The following CACNA2D1 variants were observed in gnomAD, a reference collection of about 807,000 sequenced individuals.
CACNA2D1 encodes the protein voltage-dependent calcium channel subunit alpha-2/delta-1.
A neutral mutation model predicts 171.5 loss-of-function variants in CACNA2D1; 53 were observed. The observed-to-expected ratio is 0.31, with a 90% CI of 0.25 to 0.39. The LOEUF is 0.39. CACNA2D1 is among the 10% of genes least tolerant of loss of function. The probability of loss-of-function intolerance (pLI) is 1.00; values close to 1 mark genes in which losing one functional copy is unlikely to be tolerated. For synonymous variants in CACNA2D1, 442 were observed against 443.1 expected, an observed-to-expected ratio of 1.00 and a Z score of 0.03; for missense variants, 903 against 1,299.8, an observed-to-expected ratio of 0.69 and a Z score of 4.69.
chr7:82,086,749 A>T (rs1810526950), intron 6 of CACNA2D1, among the ~76,000 whole-genome samples: 1 of 152,096 alleles, frequency 6.6e-6, no homozygotes, highest in East Asian at 1.9e-4. Context: ...TCTTTCATTC[A>T]TATTAGGCAA....
rs192130983 is a variant in CACNA2D1, at chr7:82,203,386, G to A, written c.295-32777C>T. 1.1e-4 allele frequency among the ~76,000 whole-genome samples: 17 copies of A among 152,340 alleles called. No individual in the cohort carries two copies. The East Asian group carries it at 3.1e-3, about 28-fold the overall frequency. ...CTTCTCTTCCCGAGAGCCAGGAATA[G>A]CTTGCCTTCACGGGAGGGCGACAAT... On this transcript the variant is annotated intron_variant, in intron 3 of 38. Coordinates refer to ENST00000356860, the MANE Select transcript of CACNA2D1 (RefSeq NM_000722.4).
At chr7:82,115,536 C>T (rs1285748467) in intron 6 of CACNA2D1, among the ~76,000 whole-genome samples, 1 of 151,782 alleles carries the variant, frequency 6.6e-6, no homozygotes, top group African/African-American at 2.4e-5. Flanking sequence ...TACACACACA[C>T]ACATATATAT....
chr7:82,010,025 C>T (rs1443002764), intron 15 of CACNA2D1, among the ~76,000 whole-genome samples: 2 of 151,998 alleles, frequency 1.3e-5, no homozygotes, highest in Non-Finnish European at 2.9e-5. Context: ...AACTTTTATG[C>T]TATACCCCAT....
At chr7:82,312,109 T>G (rs879706644) in intron 3 of CACNA2D1, among the ~76,000 whole-genome samples, 4 of 152,234 alleles carry the variant, frequency 2.6e-5, no homozygotes, top group Non-Finnish European at 5.9e-5. Context: ...ATGGCCTATA[T>G]GACTAATCAT....
intron 16 of CACNA2D1, 146 bp downstream of exon 16, chr7:82,007,533 C>A: frequency 1.7e-6 from 1 of 600,436 alleles, no homozygotes; most frequent in Non-Finnish European, 3.0e-6. Context: ...AGGTGGTTAT[C>A]GCATAGGCAG....
chr7:82,131,834 T>C (rs1056571396), intron 5 of CACNA2D1, among the ~76,000 whole-genome samples: 2 of 152,158 alleles, frequency 1.3e-5, no homozygotes, highest in Non-Finnish European at 2.9e-5. Flanking sequence ...TGTGATGATA[T>C]GATTTGTGAA....
chr7:82,126,000 T>G (rs1184674491), intron 5 of CACNA2D1, among the ~76,000 whole-genome samples: 1 of 152,226 alleles, frequency 6.6e-6, no homozygotes, highest in Non-Finnish European at 1.5e-5. Flanking sequence ...AATTAATGTT[T>G]TTCACAATTA....
intron 1 of CACNA2D1, among the ~76,000 whole-genome samples, chr7:82,420,455 C>T (rs1828608063): frequency 6.6e-6 from 1 of 152,128 alleles, no homozygotes; most frequent in African/African-American, 2.4e-5. Context: ...AGTTTTCATG[C>T]ATTACCAACT....
intron 19 of CACNA2D1, among the ~76,000 whole-genome samples, 178 bp downstream of exon 19, chr7:81,997,001 C>G (rs1798110797): frequency 6.6e-6 from 1 of 152,052 alleles, no homozygotes; most frequent in South Asian, 2.1e-4. Flanking sequence ...TTCATATGAT[C>G]TTTTGGATAG....
chr7:82,356,850 A>G (rs1820483223), intron 1 of CACNA2D1, among the ~76,000 whole-genome samples: 1 of 152,142 alleles, frequency 6.6e-6, no homozygotes, highest in African/African-American at 2.4e-5. Flanking sequence ...TGCATGCCTT[A>G]AAATTCCAAA....
chr7:82,391,529 G>A (rs559901202), intron 1 of CACNA2D1, among the ~76,000 whole-genome samples: 8 of 152,254 alleles, frequency 5.3e-5, no homozygotes, highest in Non-Finnish European at 1.0e-4. Flanking sequence ...CACTTAGATA[G>A]GATATAGCCC....
chr7:82,293,255 G>T (rs1811876401), intron 3 of CACNA2D1, among the ~76,000 whole-genome samples: 1 of 151,004 alleles, frequency 6.6e-6, no homozygotes, highest in South Asian at 2.1e-4. Context: ...TCAGTTTCCT[G>T]CATTGTCTCG....
At chr7:82,048,708 A>G (rs1804836105) in intron 10 of CACNA2D1, among the ~76,000 whole-genome samples, 1 of 152,118 alleles carries the variant, frequency 6.6e-6, no homozygotes, top group South Asian at 2.1e-4. Context: ...AACAAATATG[A>G]TAGTTTAATT....
At chr7:81,968,415 C>G (rs1350019676) in intron 29 of CACNA2D1, among the ~76,000 whole-genome samples, 4 of 151,386 alleles carry the variant, frequency 2.6e-5, no homozygotes, top group Non-Finnish European at 4.4e-5. Flanking sequence ...AAGTTTTTAA[C>G]TGAGCCCTAC....
chr7:82,169,184 G>T (rs1795767139), intron 4 of CACNA2D1, among the ~76,000 whole-genome samples: 1 of 151,984 alleles, frequency 6.6e-6, no homozygotes, highest in Middle Eastern at 3.4e-3. Context: ...TAAGTATATT[G>T]TAAGCCTCTT....
At chr7:82,344,775 G>C (rs545589315) in intron 2 of CACNA2D1, among the ~76,000 whole-genome samples, 1 of 152,100 alleles carries the variant, frequency 6.6e-6, no homozygotes, top group African/African-American at 2.4e-5. Context: ...CATCGTTATG[G>C]TGCTGATTTA....
At chr7:82,157,295 G>C (rs1794470387) in intron 4 of CACNA2D1, among the ~76,000 whole-genome samples, 2 of 152,080 alleles carry the variant, frequency 1.3e-5, no homozygotes, top group Non-Finnish European at 2.9e-5. Flanking sequence ...AGAATCCCAT[G>C]ATCTAAATTT....
At chr7:82,049,368 C>T (rs890003416) in intron 10 of CACNA2D1, among the ~76,000 whole-genome samples, 11 of 152,020 alleles carry the variant, frequency 7.2e-5, no homozygotes, top group Admixed American at 7.2e-4. Flanking sequence ...AGACCTCCTC[C>T]CATCCCCAAA....
chr7:81,964,171 C>A, intron 33 of CACNA2D1, 36 bp downstream of exon 33: 8 of 1,611,676 alleles, frequency 5.0e-6, no homozygotes, highest in Non-Finnish European at 6.8e-6. Flanking sequence ...ACTTGAGTAC[C>A]CCTTGAGAAT....
Sources: allele counts gnomAD v4.1 joint callset (sites outside exome capture counted in the v4.1 genomes callset), GRCh38; gene constraint gnomAD v4.1.1; transcripts MANE v1.5; gene names NCBI Gene and HGNC (gene_info 2026-07-23, HGNC 2026-07-21).